ADAMTS2: variants seen among roughly 807,000 people sequenced by gnomAD.
ADAMTS2 encodes ADAM metallopeptidase with thrombospondin type 1 motif 2.
ADAMTS2 carries 50 observed loss-of-function variants against 123.0 expected under a neutral mutation model. The observed-to-expected ratio is 0.41, with a 90% CI of 0.32 to 0.51. ADAMTS2 has a LOEUF of 0.51. ADAMTS2 is among the 20% of genes least tolerant of loss of function. The pLI, the probability that ADAMTS2 is intolerant of heterozygous loss-of-function variation, is 0.35. For missense variants in ADAMTS2, 1,494 were observed against 1,705.2 expected (o/e 0.88, Z 2.18); for synonymous variants, 678 against 695.4 (o/e 0.98, Z 0.39).
chr5:179,207,630 G>A lies in ADAMTS2; in HGVS notation c.774C>T (p.Arg258=), dbSNP rs776165111. The A allele has an allele frequency of 1.2e-6, 2 of 1,613,838 alleles. No individual in the cohort carries two copies. The highest frequency in any genetic ancestry group is 8.5e-7 in the Non-Finnish European group (1 of 1,180,030). The change falls in exon 4 of 22, where the codon CGC becomes CGT. Residue 258 remains arginine (R), a synonymous_variant. Coordinates refer to ENST00000251582, the MANE Select transcript of ADAMTS2 (RefSeq NM_014244.5). ...EHANSSRRRA[R]RHAADDDYNI... ...TGTAGTCATCGTCCGCAGCATGCCT[G>A]CGTGCCCTCCGCCTCGAGCTGTTGG...
At chr5:179,302,691 G>A (rs184679899) in intron 2 of ADAMTS2, among the ~76,000 whole-genome samples, 136 of 152,058 alleles carry the variant, frequency 8.9e-4, no homozygotes, top group African/African-American at 3.0e-3. Context: ...AGAGAGTGAC[G>A]CAGCCGTGAG....
At chr5:179,280,304 G>A (rs1246617089) in intron 2 of ADAMTS2, among the ~76,000 whole-genome samples, 1 of 152,184 alleles carries the variant, frequency 6.6e-6, no homozygotes, top group African/African-American at 2.4e-5. Context: ...CAGGGTGGGG[G>A]GCGAGGCAGG....
At chr5:179,341,926 C>T (rs968481062) in intron 2 of ADAMTS2, among the ~76,000 whole-genome samples, 8 of 152,190 alleles carry the variant, frequency 5.3e-5, no homozygotes, top group Non-Finnish European at 1.0e-4. Flanking sequence ...CACGCTCCTC[C>T]CTCTGCCCGG....
In ADAMTS2 at chr5:179,308,514, T is replaced by C. The variant is rs1400025381; in HGVS notation, c.534+35253A>G. On this transcript the variant is annotated intron_variant, in intron 2 of 21. Transcript: ENST00000251582. The surrounding 1 kb of genome is among the most constrained non-coding windows in gnomAD (Gnocchi z 6.6). ...CCAGAGCCCACAGGAGCTCCTGCAA[T>C]GCGATGACCATGCCTGCAGGCCCCC... is the stretch of plus-strand genomic sequence containing the variant. Among the ~76,000 whole-genome samples the C allele has an allele frequency of 6.6e-6, 1 of 151,932 alleles. No individual in the cohort carries two copies. The highest frequency in any genetic ancestry group is 1.5e-5 in the Non-Finnish European group (1 of 68,006).
At position 179,345,373 on chromosome 5, in the gene ADAMTS2, A is replaced by T. The variant is rs886060500; in HGVS notation, c.-45T>A. The T allele has an allele frequency of 1.8e-6, 2 of 1,111,932 alleles. No individual in the cohort carries two copies. The highest frequency in any genetic ancestry group is 2.2e-6 in the Non-Finnish European group (2 of 911,594). 68.9% of individuals were successfully genotyped at this position (1,111,932 alleles called of 1,614,324 possible). ...GGGCCCCGCACTCGCAGCCGGCGCG[A>T]AAGTTCCCCGCGAGCCGCCCAGCCC... On this transcript the variant is annotated 5_prime_UTR_variant, in exon 1 of 22. Transcript: ENST00000251582. This position sits in a 1 kb window ranked among gnomAD's most constrained non-coding sequence, Gnocchi z 7.5.
At position 179,113,488 on chromosome 5, in the gene ADAMTS2, A is replaced by G; in HGVS notation, c.*379T>C. The G allele has an allele frequency of 3.4e-6, 1 of 295,250 alleles. No homozygotes were observed. Among genetic ancestry groups the G allele is most frequent in the Non-Finnish European group, 6.5e-6 (1 of 154,392 alleles). The allele number at this position is 295,250 out of a possible 1,614,324, so 18.3% of individuals were successfully genotyped here. A position where few individuals can be genotyped will look rare whatever the true frequency, so the allele number is the denominator to read the frequency against. ...CCACAGGCTGTGTCTGGGGATCGGT[A>G]GGGAATGTCATGCATCTCCGCCAAG... On this transcript the variant is annotated 3_prime_UTR_variant, in exon 22 of 22. Transcript: ENST00000251582.
chr5:179,183,500 G>A (rs1041122913), intron 4 of ADAMTS2, among the ~76,000 whole-genome samples: 13 of 152,360 alleles, frequency 8.5e-5, no homozygotes, highest in African/African-American at 3.1e-4. Flanking sequence ...TGGGACCTGA[G>A]AGGGGACAGG....
intron 3 of ADAMTS2, among the ~76,000 whole-genome samples, chr5:179,236,909 G>T (rs768765582): frequency 2.0e-5 from 3 of 152,122 alleles, no homozygotes; most frequent in Non-Finnish European, 2.9e-5. Flanking sequence ...CCTTTGGGGG[G>T]TAATTAGGTC....
chr5:179,248,948 T>G lies in ADAMTS2; in HGVS notation c.688+23963A>C, dbSNP rs148020927. 5.7e-3 allele frequency among the ~76,000 whole-genome samples: 869 copies of G among 152,276 alleles called. 11 individuals carry two copies. Among genetic ancestry groups the G allele is most frequent in the African/African-American group, 0.02 (831 of 41,582 alleles). ...AGCGGCAGAATGTGTATTCTTCTCA[T>G]GTATGATGATCATTCTCCAGGATAG... On this transcript the variant is annotated intron_variant, in intron 3 of 21. Transcript: ENST00000251582.
chr5:179,121,650 G>C lies in ADAMTS2; in HGVS notation c.3178+11C>G, dbSNP rs1762765410. 1 of 1,597,832 alleles carries C rather than the reference G, an allele frequency of 6.3e-7. No homozygotes were observed. The highest frequency in any genetic ancestry group is 8.5e-7 in the Non-Finnish European group (1 of 1,171,140). On this transcript the variant is annotated intron_variant, in intron 21 of 21. Transcript: ENST00000251582. ...GGAGGGCAGAGGCAGAGTTATAAAC[G>C]GGTCGGTTACTTGACGAGATCTTCC... is the stretch of plus-strand genomic sequence containing the variant.
At position 179,158,323 on chromosome 5, in the gene ADAMTS2, C is replaced by T. The variant is rs572282530; in HGVS notation, c.1132+400G>A. On this transcript the variant is annotated intron_variant, in intron 6 of 21. Transcript: ENST00000251582. The surrounding 1 kb of genome is among the most constrained non-coding windows in gnomAD (Gnocchi z 5.0). ...CCAAGAACATGGAGCCATCCACCTA[C>T]GTTATCTTCTTTCATTATTTTGCGT... Among the ~76,000 whole-genome samples, 8 of 152,140 alleles carry T rather than the reference C, an allele frequency of 5.3e-5. No individual in the cohort carries two copies. The highest frequency in any genetic ancestry group is 9.7e-5 in the African/African-American group (4 of 41,434).
At chr5:179,131,491 C>T (rs1289055470) in intron 15 of ADAMTS2, among the ~76,000 whole-genome samples, 1 of 152,134 alleles carries the variant, frequency 6.6e-6, no homozygotes, top group Non-Finnish European at 1.5e-5. Context: ...TCCTGTCCAG[C>T]CTCCTGGGGA....
intron 2 of ADAMTS2, among the ~76,000 whole-genome samples, chr5:179,305,055 G>GAA (rs3084664): frequency 1.2e-4 from 15 of 126,180 alleles, no homozygotes; most frequent in African/African-American, 3.0e-4. Flanking sequence ...TTAAAATGCT[G>GAA]AAAAAAAAAA....
chr5:179,199,485 C>G (rs983422214), intron 4 of ADAMTS2, among the ~76,000 whole-genome samples: 2 of 152,240 alleles, frequency 1.3e-5, no homozygotes, highest in African/African-American at 2.4e-5. Flanking sequence ...CGTGGCCATA[C>G]GCTCTGGGCT....
Position 179,158,192 on chromosome 5 carries a change from C to T in ADAMTS2, c.1132+531G>A, listed in dbSNP as rs1245028927. 3.3e-5 allele frequency among the ~76,000 whole-genome samples: 5 copies of T among 152,118 alleles called. No homozygotes were observed. In the East Asian group the frequency reaches 9.6e-4, roughly 29 times the overall value. ...ATGTTAGCCAAGATGGTCTCGATCT[C>T]CTGACCTCGTGATCTACCTGCCTCC... On this transcript the variant is annotated intron_variant, in intron 6 of 21. Coordinates refer to ENST00000251582, the MANE Select transcript of ADAMTS2 (RefSeq NM_014244.5). The surrounding 1 kb of genome is among the most constrained non-coding windows in gnomAD (Gnocchi z 5.0).
intron 2 of ADAMTS2, among the ~76,000 whole-genome samples, chr5:179,318,027 T>C (rs1757051407): frequency 6.6e-6 from 1 of 152,084 alleles, no homozygotes; most frequent in South Asian, 2.1e-4. Flanking sequence ...CTGCACGTCC[T>C]CCCCAAAGGT....
chr5:179,179,349 G>A (rs900508068), intron 5 of ADAMTS2, among the ~76,000 whole-genome samples: 13 of 151,620 alleles, frequency 8.6e-5, no homozygotes, highest in Middle Eastern at 3.4e-3. Context: ...TTTCATCAGC[G>A]AAGATGGACA....
intron 10 of ADAMTS2, among the ~76,000 whole-genome samples, chr5:179,147,428 T>A (rs1024443407): frequency 3.9e-5 from 6 of 152,252 alleles, no homozygotes; most frequent in Non-Finnish European, 5.9e-5. Flanking sequence ...TTGTTACACT[T>A]GGCCTTTCTA....
chr5:179,222,767 C>T (rs894268341), intron 3 of ADAMTS2, among the ~76,000 whole-genome samples: 3 of 152,208 alleles, frequency 2.0e-5, no homozygotes, highest in African/African-American at 4.8e-5. Context: ...GCAGAGGTGA[C>T]GTGGCTGCCA....
Sources: gnomAD v4.1 joint callset for allele counts (sites outside exome capture counted in the v4.1 genomes callset) on GRCh38, gnomAD v4.1.1 for gene constraint, Gnocchi (gnomAD v3.1) non-coding constraint, MANE v1.5 for transcripts, NCBI Gene and HGNC (gene_info 2026-07-23, HGNC 2026-07-21) for gene names.